Variants in SCAF8 observed in about 807,000 individuals in gnomAD.
SCAF8 encodes the protein SR-related and CTD-associated factor 8.
In SCAF8, 23 loss-of-function variants were observed where a neutral mutation model predicts 140.5. The observed-to-expected ratio is 0.16, with a 90% CI of 0.12 to 0.23. The LOEUF (loss-of-function observed/expected upper bound fraction) is 0.23, where lower values mean the gene tolerates loss of function less well. Ranked by LOEUF, SCAF8 falls within the 10% of genes least tolerant of loss-of-function variation. The pLI, the probability that SCAF8 is intolerant of heterozygous loss-of-function variation, is 1.00. For synonymous variants in SCAF8, 575 were observed against 528.9 expected, an observed-to-expected ratio of 1.09 and a Z score of -1.20; for missense variants, 1,397 against 1,555.7, an observed-to-expected ratio of 0.90 and a Z score of 1.72.
At chr6:154,818,623 G>A (rs1202542443) in intron 14 of SCAF8, 31 bp downstream of exon 14, 1 of 1,119,852 alleles carries the variant, frequency 8.9e-7, no homozygotes, top group East Asian at 2.4e-5. Context: ...ACTTGGGGTA[G>A]GGGGGCAGTA....
intron 6 of SCAF8, among the ~76,000 whole-genome samples, chr6:154,799,136 C>T (rs964000408): frequency 6.6e-6 from 1 of 150,782 alleles, no homozygotes; most frequent in African/African-American, 2.4e-5. Context: ...CGCCACCACG[C>T]CGAGCTAATT....
At chr6:154,750,981 T>G (rs1378465326) in intron 1 of SCAF8, among the ~76,000 whole-genome samples, 1 of 152,200 alleles carries the variant, frequency 6.6e-6, no homozygotes, top group African/African-American at 2.4e-5. Context: ...TGAATTGAAA[T>G]TAAAGGAAGG....
In SCAF8 at chr6:154,762,577, C is replaced by T. The variant is rs540096757; in HGVS notation, c.31-11412C>T. Among the ~76,000 whole-genome samples, 9 of 152,266 alleles carry T rather than the reference C, an allele frequency of 5.9e-5. No homozygotes were observed. The South Asian group carries it at 1.7e-3, about 28-fold the overall frequency. ...TAGAGGGGATTATATAGGGCTTGTA[C>T]AGGGTAGAAGTCTTGGGGGCCATCT... On this transcript the variant is annotated intron_variant, in intron 1 of 19. Transcript: ENST00000367178.
rs57095332 is a variant in SCAF8 at position 154,790,489 on chromosome 6, A to ATTTTTTTTTTTTTT, written c.322-2308_322-2295dup. ...TTGTAAAACATATACATTTAACAGAATTTTTTTTTTTTTTTTTTTTTTTTT... is the reference window on the plus strand; with the variant it reads ...TTGTAAAACATATACATTTAACAGAATTTTTTTTTTTTTTTTTTTTTTTTTTTTTTTTTTTTTTT... On this transcript the variant is annotated intron_variant, in intron 4 of 19. Transcript: ENST00000367178. 4.2e-4 allele frequency among the ~76,000 whole-genome samples: 30 copies of ATTTTTTTTTTTTTT among 70,876 alleles called. 3 individuals carry two copies. Among genetic ancestry groups the ATTTTTTTTTTTTTT allele is most frequent in the Non-Finnish European group, 6.8e-4 (26 of 37,994 alleles). 46.5% of individuals were successfully genotyped at this position (70,876 alleles called of 152,430 possible). A position where few individuals can be genotyped will look rare whatever the true frequency, so the allele number is the denominator to read the frequency against.
Position 154,833,168 on chromosome 6 carries a change from G to A in SCAF8, c.3589G>A (p.Asp1197Asn). Residue 1197 changes from aspartate (D) to asparagine (N), a missense_variant, in exon 20 of 20, where the codon GAT becomes AAT. Transcript: ENST00000367178. ...TCCCCCTCCTCATGCTCGGGTTTTT[G>A]ATTATTTTGAAGGGGCCACTTCTCA... ...WVPPPHARVF[D>N]YFEGATSQRK... 2 of 1,614,038 alleles carry A rather than the reference G, an allele frequency of 1.2e-6. No homozygotes were observed. Among genetic ancestry groups the A allele is most frequent in the Non-Finnish European group, 1.7e-6 (2 of 1,179,984 alleles).
chr6:154,790,319 A>C (rs1157553773), intron 4 of SCAF8, among the ~76,000 whole-genome samples: 1 of 152,132 alleles, frequency 6.6e-6, no homozygotes, highest in Non-Finnish European at 1.5e-5. Context: ...AGTATGAAGC[A>C]GTCTCTAATT....
At chr6:154,783,157 A>G (rs1369479874) in intron 3 of SCAF8, among the ~76,000 whole-genome samples, 7 of 152,226 alleles carry the variant, frequency 4.6e-5, no homozygotes, top group Non-Finnish European at 1.0e-4. Context: ...TTTGAAATGC[A>G]AAAATGAAAT....
intron 5 of SCAF8, among the ~76,000 whole-genome samples, chr6:154,793,626 C>T (rs913966970): frequency 2.6e-5 from 4 of 151,358 alleles, no homozygotes; most frequent in Non-Finnish European, 5.9e-5. Flanking sequence ...AGCAGCCTGG[C>T]CAATATAGTG....
At chr6:154,773,254 C>G (rs554438548) in intron 1 of SCAF8, among the ~76,000 whole-genome samples, 2 of 152,298 alleles carry the variant, frequency 1.3e-5, no homozygotes, top group Admixed American at 1.3e-4. Flanking sequence ...CCCTAGACAA[C>G]CACCAATAGA....
chr6:154,774,102 C>G (rs757442327), intron 2 of SCAF8, 30 bp downstream of exon 2: 1 of 1,396,148 alleles, frequency 7.2e-7, no homozygotes. Flanking sequence ...CTTCTATTTT[C>G]AAAAGAAAAA....
chr6:154,733,380 G>C (rs775798294), upstream of SCAF8: 1 of 1,312,236 alleles, frequency 7.6e-7, no homozygotes, highest in Admixed American at 3.8e-5. Context: ...CCGGCGCCGC[G>C]GATCCCCGAA....
At chr6:154,778,343 G>A (rs1273690062) in intron 3 of SCAF8, among the ~76,000 whole-genome samples, 1 of 152,230 alleles carries the variant, frequency 6.6e-6, no homozygotes, top group Non-Finnish European at 1.5e-5. Context: ...CTTGGGAGAA[G>A]GGTGCGGGAT....
At chr6:154,743,153 C>G (rs1778614465) in intron 1 of SCAF8, among the ~76,000 whole-genome samples, 1 of 152,156 alleles carries the variant, frequency 6.6e-6, no homozygotes, top group African/African-American at 2.4e-5. Context: ...TTGTTTGCAG[C>G]CTGATCCGTT....
Position 154,815,709 on chromosome 6 carries a change from T to C in SCAF8, c.1421-7T>C. ...ATTTAGGTCATTTGTCTCTTGTGTC[T>C]TGACAGTATGTAGTACTACTCTCTG... On this transcript the variant is annotated splice_region_variant and splice_polypyrimidine_tract_variant and intron_variant, in intron 12 of 19. Transcript: ENST00000367178. The C allele has an allele frequency of 6.4e-7, 1 of 1,569,000 alleles. No individual in the cohort carries two copies. The highest frequency in any genetic ancestry group is 8.8e-7 in the Non-Finnish European group (1 of 1,140,048).
intron 14 of SCAF8, among the ~76,000 whole-genome samples, chr6:154,819,926 A>G (rs1190875628): frequency 2.0e-5 from 3 of 150,370 alleles, no homozygotes; most frequent in African/African-American, 7.3e-5. Flanking sequence ...CGGAAGGTCA[A>G]GGCAGTGAAC....
chr6:154,806,803 A>AG (rs1271801104), intron 9 of SCAF8, among the ~76,000 whole-genome samples: 1 of 133,878 alleles, frequency 7.5e-6, no homozygotes, highest in Non-Finnish European at 1.8e-5. Flanking sequence ...TGGCCAGAGT[A>AG]GGGGCAGTAT....
intron 1 of SCAF8, among the ~76,000 whole-genome samples, chr6:154,763,197 TTTC>T (rs1742144701): frequency 2.0e-5 from 3 of 152,316 alleles, no homozygotes; most frequent in Admixed American, 2.0e-4. Context: ...TTTATACCTT[TTTC>T]TTTCTTGAGT....
chr6:154,754,844 C>G (rs535851003), intron 1 of SCAF8, among the ~76,000 whole-genome samples: 1 of 152,012 alleles, frequency 6.6e-6, no homozygotes, highest in African/African-American at 2.4e-5. Context: ...TTAATTTTCT[C>G]TTTTGGGATT....
intron 1 of SCAF8, among the ~76,000 whole-genome samples, chr6:154,745,204 A>G (rs1323934074): frequency 6.6e-6 from 1 of 152,174 alleles, no homozygotes; most frequent in Non-Finnish European, 1.5e-5. Flanking sequence ...AAAATAGGCC[A>G]GTATTTTTAG....
Sources: gnomAD v4.1 joint callset for allele counts (sites outside exome capture counted in the v4.1 genomes callset) on GRCh38, gnomAD v4.1.1 for gene constraint, MANE v1.5 for transcripts, NCBI Gene and HGNC (gene_info 2026-07-23, HGNC 2026-07-21) for gene names.